The following CSMD1 variants were observed in gnomAD, a reference collection of about 807,000 sequenced individuals.
CSMD1 encodes the protein CUB and Sushi multiple domains 1.
In CSMD1, 213 loss-of-function variants were observed where a neutral mutation model predicts 417.5. The ratio of observed to expected loss-of-function variants is 0.51; its 90% confidence interval spans 0.46 to 0.57. The LOEUF (loss-of-function observed/expected upper bound fraction) is 0.57, where lower values mean the gene tolerates loss of function less well. Ranked by LOEUF, CSMD1 falls within the 20% of genes least tolerant of loss-of-function variation. CSMD1 has a pLI of 0.00. For synonymous variants in CSMD1, 2,862 were observed against 1,736.8 expected (o/e 1.65, Z -16.11); for missense variants, 6,923 against 4,529.7 (o/e 1.53, Z -15.17).
At chr8:3,764,017 G>C (rs1206287797) in intron 5 of CSMD1, among the ~76,000 whole-genome samples, 1 of 152,098 alleles carries the variant, frequency 6.6e-6, no homozygotes, top group Non-Finnish European at 1.5e-5. Context: ...TCCTCAGCAG[G>C]TGTTTGGCAC....
rs190171135 is a variant in CSMD1 at position 3,050,575 on chromosome 8, A to C, written c.7660+1887T>G. Among the ~76,000 whole-genome samples, 234 of 152,312 alleles carry C rather than the reference A, an allele frequency of 1.5e-3. 2 individuals carry two copies. The highest frequency in any genetic ancestry group is 5.2e-3 in the African/African-American group (215 of 41,564). ...GTTCTGTTTAGGACTGAACTCAAAA[A>C]ACATACCAATGTATCTTGCTATCCT... On this transcript the variant is annotated intron_variant, in intron 50 of 69. Coordinates refer to ENST00000635120, the MANE Select transcript of CSMD1 (RefSeq NM_033225.6).
intron 5 of CSMD1, among the ~76,000 whole-genome samples, chr8:3,766,425 G>C (rs983523976): frequency 2.6e-5 from 4 of 152,142 alleles, no homozygotes; most frequent in African/African-American, 4.8e-5. Context: ...CCAATGTCCT[G>C]GTACCTGGGT....
At chr8:4,149,924 T>C (rs1040071649) in intron 3 of CSMD1, among the ~76,000 whole-genome samples, 3 of 152,340 alleles carry the variant, frequency 2.0e-5, no homozygotes, top group East Asian at 3.9e-4. Flanking sequence ...TGGTGTTTTG[T>C]TAAATTGTGA....
intron 9 of CSMD1, among the ~76,000 whole-genome samples, chr8:3,581,291 C>A (rs762122458): frequency 6.6e-6 from 1 of 152,164 alleles, no homozygotes; most frequent in Non-Finnish European, 1.5e-5. Context: ...TAATGTCTTA[C>A]CCTGCAAAAA....
intron 5 of CSMD1, among the ~76,000 whole-genome samples, chr8:3,784,626 T>A (rs1373124850): frequency 2.6e-5 from 4 of 152,158 alleles, no homozygotes; most frequent in African/African-American, 7.2e-5. Context: ...GAAAAATGAA[T>A]AAATCAATAA....
chr8:4,241,590 C>G (rs755945496), intron 3 of CSMD1, among the ~76,000 whole-genome samples: 11 of 152,172 alleles, frequency 7.2e-5, no homozygotes, highest in African/African-American at 2.2e-4. Context: ...CCTAAATACC[C>G]GGAACACAAG....
At chr8:4,253,285 G>A (rs553957987) in intron 3 of CSMD1, among the ~76,000 whole-genome samples, 2 of 152,124 alleles carry the variant, frequency 1.3e-5, no homozygotes, top group African/African-American at 2.4e-5. Context: ...GGCTAAATTA[G>A]ACATTCTCTC....
chr8:3,684,763 A>G (rs1799860656), intron 7 of CSMD1, among the ~76,000 whole-genome samples: 1 of 152,102 alleles, frequency 6.6e-6, no homozygotes, highest in African/African-American at 2.4e-5. Flanking sequence ...AAATAGAGTC[A>G]GAGCTTGACG....
At chr8:4,927,229 T>C (rs1048774081) in intron 1 of CSMD1, among the ~76,000 whole-genome samples, 2 of 151,856 alleles carry the variant, frequency 1.3e-5, no homozygotes, top group Admixed American at 1.3e-4. Context: ...CTAATTTTTT[T>C]TTATTTTTAG....
At chr8:4,226,533 G>T (rs569786475) in intron 3 of CSMD1, among the ~76,000 whole-genome samples, 4 of 151,994 alleles carry the variant, frequency 2.6e-5, no homozygotes, top group African/African-American at 9.7e-5. Context: ...AATTAGCCTT[G>T]ATCCTAAAAA....
intron 6 of CSMD1, among the ~76,000 whole-genome samples, chr8:3,732,570 T>A (rs1026852): frequency 2.0e-5 from 3 of 151,974 alleles, no homozygotes; most frequent in Non-Finnish European, 4.4e-5. Flanking sequence ...ACCCTGACTT[T>A]ATGCCCAGGC....
chr8:3,427,184 G>C (rs575382668), intron 12 of CSMD1, among the ~76,000 whole-genome samples: 1 of 152,164 alleles, frequency 6.6e-6, no homozygotes, highest in Non-Finnish European at 1.5e-5. Context: ...TTTGGGTGCA[G>C]ACTCAGCCAA....
At chr8:4,176,705 C>T (rs953523365) in intron 3 of CSMD1, among the ~76,000 whole-genome samples, 6 of 150,580 alleles carry the variant, frequency 4.0e-5, no homozygotes, top group Admixed American at 2.0e-4. Context: ...CAGAGACACA[C>T]ATAGGCTCAA....
At chr8:4,641,337 G>A (rs1329428665) in intron 1 of CSMD1, among the ~76,000 whole-genome samples, 2 of 152,052 alleles carry the variant, frequency 1.3e-5, no homozygotes, top group African/African-American at 2.4e-5. Context: ...TCAGCAGAAT[G>A]TTAGATATAG....
chr8:4,426,527 T>C (rs1797566898), intron 2 of CSMD1, among the ~76,000 whole-genome samples: 1 of 147,578 alleles, frequency 6.8e-6, no homozygotes, highest in Non-Finnish European at 1.5e-5. Flanking sequence ...GACTGTAGTA[T>C]TTTATACTGT....
At chr8:4,794,117 C>T (rs1797845485) in intron 1 of CSMD1, among the ~76,000 whole-genome samples, 1 of 151,990 alleles carries the variant, frequency 6.6e-6, no homozygotes, top group Admixed American at 6.6e-5. Flanking sequence ...AGTACTGTTC[C>T]CTCATATAAT....
intron 2 of CSMD1, among the ~76,000 whole-genome samples, chr8:4,495,372 G>A (rs898371321): frequency 1.1e-4 from 16 of 152,066 alleles, no homozygotes; most frequent in Admixed American, 9.2e-4. Flanking sequence ...TCAAGGGTTC[G>A]AGACTAGCAT....
At chr8:3,728,089 C>T (rs1026802407) in intron 6 of CSMD1, among the ~76,000 whole-genome samples, 5 of 152,164 alleles carry the variant, frequency 3.3e-5, no homozygotes, top group Admixed American at 6.5e-5. Flanking sequence ...ACCCAAATCT[C>T]ATCTTGAATT....
At chr8:3,886,484 A>T (rs1806571782) in intron 5 of CSMD1, among the ~76,000 whole-genome samples, 1 of 152,214 alleles carries the variant, frequency 6.6e-6, no homozygotes, top group Non-Finnish European at 1.5e-5. Flanking sequence ...TGTCAGCCAT[A>T]CGGTCTCTGT....
Sources: gnomAD v4.1 joint callset for allele counts (sites outside exome capture counted in the v4.1 genomes callset) on GRCh38, gnomAD v4.1.1 for gene constraint, MANE v1.5 for transcripts, NCBI Gene and HGNC (gene_info 2026-07-23, HGNC 2026-07-21) for gene names.